NOX4: variants seen among roughly 807,000 people sequenced by gnomAD.
NOX4 encodes the protein kidney oxidase-1.
A neutral mutation model predicts 87.6 loss-of-function variants in NOX4; 69 were observed. The ratio of observed to expected loss-of-function variants is 0.79; its 90% CI spans 0.65 to 0.96. The LOEUF is 0.96. Among genes scored for constraint, NOX4 ranks in the 40% least tolerant of loss-of-function variants. The pLI is 0.00. For synonymous variants in NOX4, 275 were observed against 238.2 expected (o/e 1.15, Z -1.42); for missense variants, 680 against 681.5 (o/e 1.00, Z 0.02).
At chr11:89,502,969 G>T (rs907962934), upstream of NOX4, among the ~76,000 whole-genome samples, 2 of 151,926 alleles carry the variant, frequency 1.3e-5, no homozygotes, top group Non-Finnish European at 2.9e-5. Flanking sequence ...TTAGGGTCTA[G>T]CTTTGTACCT....
At chr11:89,560,970 C>A in the NOX4 span, among the ~76,000 whole-genome samples, 37 of 67,720 alleles carry the variant, frequency 5.5e-4, 1 homozygote, top group African/African-American at 1.6e-3. Flanking sequence ...TCGTCTCTCT[C>A]TCTCTCTCTC....
intron 11 of NOX4, among the ~76,000 whole-genome samples, chr11:89,387,488 C>G (rs925217925): frequency 6.6e-6 from 1 of 152,100 alleles, no homozygotes; most frequent in Non-Finnish European, 1.5e-5. Flanking sequence ...CTGCCTGTAC[C>G]CAGGTGATTA....
In NOX4 at chr11:89,472,954, A is replaced by T. The variant is rs534721279; in HGVS notation, c.153+17504T>A. On this transcript the variant is annotated intron_variant, in intron 2 of 17. Coordinates refer to ENST00000263317, the MANE Select transcript of NOX4 (RefSeq NM_016931.5). ...CCTAGAATTGAAGAATTTGAACAAC[A>T]GTAAACACTGCCTTCACTTTTCCTT... 7.9e-5 allele frequency among the ~76,000 whole-genome samples: 12 copies of T among 152,344 alleles called. No individual in the cohort carries two copies. In the South Asian group the frequency reaches 2.5e-3, roughly 32 times the overall value.
intron 11 of NOX4, among the ~76,000 whole-genome samples, chr11:89,382,311 C>T (rs1164874664): frequency 6.6e-6 from 1 of 152,120 alleles, no homozygotes; most frequent in Non-Finnish European, 1.5e-5. Context: ...TGACCTAAAA[C>T]CTAAATGCCT....
At chr11:89,331,737 A>G (rs552883582) in intron 17 of NOX4, among the ~76,000 whole-genome samples, 1 of 151,700 alleles carries the variant, frequency 6.6e-6, no homozygotes, top group African/African-American at 2.4e-5. Context: ...ATTATAAAAT[A>G]AATAATAATA....
At chr11:89,373,289 A>AC in intron 12 of NOX4, 143 bp downstream of exon 12, 3 of 493,576 alleles carry the variant, frequency 6.1e-6, no homozygotes, top group East Asian at 6.5e-5. Context: ...AAAAAAAAAA[A>AC]AAAAAAAAAC....
chr11:89,454,576 T>C (rs1257594950), intron 2 of NOX4, among the ~76,000 whole-genome samples: 4 of 152,112 alleles, frequency 2.6e-5, no homozygotes, highest in African/African-American at 9.7e-5. Flanking sequence ...CATTAAATTA[T>C]AATAAGAAAG....
intron 2 of NOX4, among the ~76,000 whole-genome samples, chr11:89,461,733 C>T (rs1289730205): frequency 6.6e-6 from 1 of 151,860 alleles, no homozygotes; most frequent in Non-Finnish European, 1.5e-5. Flanking sequence ...ATGAGGGGAA[C>T]AAAATCTCAT....
At chr11:89,389,692 T>C (rs1483488402) in intron 11 of NOX4, among the ~76,000 whole-genome samples, 4 of 152,134 alleles carry the variant, frequency 2.6e-5, no homozygotes, top group Admixed American at 2.0e-4. Context: ...GCAACATAGA[T>C]GTCCAAAAGT....
chr11:89,546,115 C>A, the NOX4 span, among the ~76,000 whole-genome samples: 2 of 152,120 alleles, frequency 1.3e-5, no homozygotes, highest in Non-Finnish European at 2.9e-5. Flanking sequence ...TCAACTAGTT[C>A]TTTATTTCAT....
chr11:89,354,333 G>A (rs1937822097), intron 13 of NOX4, among the ~76,000 whole-genome samples: 1 of 152,182 alleles, frequency 6.6e-6, no homozygotes, highest in Non-Finnish European at 1.5e-5. Context: ...TAGGGAAGGA[G>A]ATGTGTTATA....
chr11:89,438,440 TGTATATTATATAATATACAGC>T (rs1944207258), intron 6 of NOX4, among the ~76,000 whole-genome samples: 1 of 106,370 alleles, frequency 9.4e-6, no homozygotes, highest in African/African-American at 4.0e-5. Context: ...ATATATACTA[TGTATATTATATAATATACAGC>T]ATATATATTA....
In NOX4 at chr11:89,400,256, T is replaced by G; in HGVS notation, c.970A>C (p.Ile324Leu). 6.2e-7 allele frequency: 1 copy of G among 1,612,962 alleles called. No individual in the cohort carries two copies. Among genetic ancestry groups the G allele is most frequent in the Non-Finnish European group, 8.5e-7 (1 of 1,179,282 alleles). ...VMSHPSDVME[I>L]RMVKENFKAR... The stretch of plus-strand genomic sequence containing the variant: ...TTAAAATTTTCTTTGACCATTCGGA[T>G]TTCCATGACATCTGAGGGATGACTC... Residue 324 changes from isoleucine (I) to leucine (L), a missense_variant, in exon 10 of 18, where the codon ATC (isoleucine) becomes CTC (leucine). Physicochemically the swap from Ile to Leu is conservative, Grantham distance 5 (BLOSUM62 2). Coordinates refer to ENST00000263317, the MANE Select transcript of NOX4 (RefSeq NM_016931.5).
intron 9 of NOX4, among the ~76,000 whole-genome samples, chr11:89,400,609 C>T (rs317140): frequency 0.15 from 22,869 of 151,790 alleles, 2,125 homozygotes; most frequent in East Asian, 0.3. Flanking sequence ...AATCTCATGC[C>T]CTGGGTGTAA....
At chr11:89,371,199 T>TG (rs1176057046) in intron 12 of NOX4, among the ~76,000 whole-genome samples, 1 of 151,968 alleles carries the variant, frequency 6.6e-6, no homozygotes, top group African/African-American at 2.4e-5. Context: ...TGAACTAAAG[T>TG]GTCAGATAAT....
the NOX4 span, among the ~76,000 whole-genome samples, chr11:89,550,637 G>A: frequency 6.6e-6 from 1 of 151,914 alleles, no homozygotes; most frequent in Non-Finnish European, 1.5e-5. Flanking sequence ...ACTTTTTGAT[G>A]GGGTTGTTTT....
chr11:89,462,333 C>T lies in NOX4; in HGVS notation c.154-10438G>A, dbSNP rs566269495. 4.6e-5 allele frequency among the ~76,000 whole-genome samples: 7 copies of T among 152,214 alleles called. No homozygotes were observed. In the South Asian group the frequency reaches 1.0e-3, roughly 23 times the overall value. ...CAAACTCGATGTAACTCCAGTCAAA[C>T]TCCAATAGGTTTTCTTCATAAAACT... On this transcript the variant is annotated intron_variant, in intron 2 of 17. Coordinates refer to ENST00000263317, the MANE Select transcript of NOX4 (RefSeq NM_016931.5).
chr11:89,343,198 C>T (rs222436), intron 13 of NOX4, among the ~76,000 whole-genome samples: 3,259 of 152,286 alleles, frequency 0.021, 105 homozygotes, highest in African/African-American at 0.074. Context: ...AACTTTTCCT[C>T]TCTAAACTGG....
chr11:89,406,464 C>T (rs1160665896), intron 8 of NOX4, among the ~76,000 whole-genome samples: 2 of 152,114 alleles, frequency 1.3e-5, no homozygotes, highest in African/African-American at 4.8e-5. Context: ...ATTTGCCAAA[C>T]AATACTGCCC....
Sources: gnomAD v4.1 joint callset for allele counts (sites outside exome capture counted in the v4.1 genomes callset) on GRCh38, gnomAD v4.1.1 for gene constraint, MANE v1.5 for transcripts, NCBI Gene and HGNC (gene_info 2026-07-23, HGNC 2026-07-21) for gene names.